CDH18: variants seen among roughly 807,000 people sequenced by gnomAD.
CDH18 encodes the protein cadherin 18.
Under a neutral mutation model 67.9 loss-of-function variants are expected in CDH18, and 31 were observed. The ratio of observed to expected loss-of-function variants is 0.46; its 90% CI spans 0.34 to 0.62. The LOEUF is 0.62. Ranked by LOEUF, CDH18 falls within the 20% of genes least tolerant of loss-of-function variation. The pLI, the probability that CDH18 is intolerant of heterozygous loss-of-function variation, is 0.01. For missense variants in CDH18, 890 were observed against 975.5 expected (o/e 0.91, Z 1.17); for synonymous variants, 362 against 347.2 (o/e 1.04, Z -0.48).
At chr5:19,861,016 T>A (rs1239776632) in intron 2 of CDH18, among the ~76,000 whole-genome samples, 1 of 152,120 alleles carries the variant, frequency 6.6e-6, no homozygotes, top group African/African-American at 2.4e-5. Flanking sequence ...AATGCATGAG[T>A]TGAGATAACT....
At chr5:20,160,359 C>A (rs1045753482) in intron 2 of CDH18, among the ~76,000 whole-genome samples, 13 of 152,104 alleles carry the variant, frequency 8.5e-5, no homozygotes, top group African/African-American at 2.2e-4. Context: ...CCATCATGAG[C>A]AATACATAGA....
intron 3 of CDH18, among the ~76,000 whole-genome samples, chr5:19,836,165 G>A (rs1016692032): frequency 1.3e-5 from 2 of 151,972 alleles, no homozygotes; most frequent in Non-Finnish European, 2.9e-5. Context: ...TAATAAAATA[G>A]TTTTCCTCTT....
chr5:19,837,571 T>C (rs567907609), intron 3 of CDH18, among the ~76,000 whole-genome samples: 56 of 152,284 alleles, frequency 3.7e-4, no homozygotes, highest in African/African-American at 1.3e-3. Flanking sequence ...CTCATTTTAA[T>C]ATGCATATGA....
Position 19,906,169 on chromosome 5 carries a change from G to C in CDH18, c.-256-66927C>G, listed in dbSNP as rs529980949. Among the ~76,000 whole-genome samples, 278 of 151,972 alleles carry C rather than the reference G, an allele frequency of 1.8e-3. 1 individual carries two copies. The highest frequency in any genetic ancestry group is 6.4e-3 in the African/African-American group (266 of 41,524). ...TATCTAGTGAAAGAGGTTAAAAAAA[G>C]AAACTTGACATGAATTCCATGATAG... is the stretch of plus-strand genomic sequence containing the variant. On this transcript the variant is annotated intron_variant, in intron 2 of 12. Coordinates refer to ENST00000382275, the MANE Select transcript of CDH18 (RefSeq NM_004934.5).
At chr5:19,849,020 G>A (rs1157231776) in intron 2 of CDH18, among the ~76,000 whole-genome samples, 1 of 151,598 alleles carries the variant, frequency 6.6e-6, no homozygotes, top group East Asian at 1.9e-4. Context: ...TTTTATGATA[G>A]ATGGATTAAA....
intron 9 of CDH18, among the ~76,000 whole-genome samples, chr5:19,538,633 C>T (rs1580088002): frequency 6.6e-6 from 1 of 152,018 alleles, no homozygotes; most frequent in East Asian, 1.9e-4. Flanking sequence ...CAAACATCAG[C>T]TTCCCTACAG....
intron 1 of CDH18, among the ~76,000 whole-genome samples, chr5:20,257,797 A>G (rs1744360149): frequency 6.6e-6 from 1 of 152,132 alleles, no homozygotes; most frequent in Non-Finnish European, 1.5e-5. Context: ...AAATCACACT[A>G]TCTTGTCTCC....
At chr5:19,767,006 T>C (rs1045528551) in intron 3 of CDH18, among the ~76,000 whole-genome samples, 1 of 151,836 alleles carries the variant, frequency 6.6e-6, no homozygotes, top group East Asian at 1.9e-4. Context: ...ATCTGATTTT[T>C]AATAAATATT....
Position 19,473,016 on chromosome 5 carries a change from T to C in CDH18, c.*210A>G, listed in dbSNP as rs1348788029. On this transcript the variant is annotated 3_prime_UTR_variant, in exon 13 of 13. Coordinates refer to ENST00000382275, the MANE Select transcript of CDH18 (RefSeq NM_004934.5). ...AAATATACACAAGGAACAATAACTT[T>C]TTCTTTGTATTGTCTTTTTTTTTTT... The C allele has an allele frequency of 3.8e-6, 2 of 523,544 alleles. No homozygotes were observed. The highest frequency in any genetic ancestry group is 3.0e-5 in the South Asian group (1 of 32,908). 32.4% of individuals were successfully genotyped at this position (523,544 alleles called of 1,614,324 possible). A position where few individuals can be genotyped will look rare whatever the true frequency, so the allele number is the denominator to read the frequency against.
intron 3 of CDH18, among the ~76,000 whole-genome samples, chr5:19,824,816 T>C (rs1780243612): frequency 6.6e-6 from 1 of 152,128 alleles, no homozygotes. Flanking sequence ...AACTGGTAGC[T>C]GTGTGGGCAA....
chr5:19,639,765 T>G (rs1239539136), intron 5 of CDH18, among the ~76,000 whole-genome samples: 1 of 152,266 alleles, frequency 6.6e-6, no homozygotes, highest in African/African-American at 2.4e-5. Context: ...GCAACAGGCA[T>G]GCTGACATAT....
At chr5:20,557,203 T>G (rs958865547) in intron 1 of CDH18, among the ~76,000 whole-genome samples, 7 of 152,076 alleles carry the variant, frequency 4.6e-5, no homozygotes, top group African/African-American at 1.7e-4. Flanking sequence ...AATAAGACAT[T>G]TTATAAGGAA....
chr5:19,930,777 C>T (rs373440578), intron 2 of CDH18, among the ~76,000 whole-genome samples: 19 of 151,724 alleles, frequency 1.3e-4, no homozygotes, highest in African/African-American at 4.1e-4. Context: ...GCATAAGATC[C>T]GTAATATATT....
intron 8 of CDH18, among the ~76,000 whole-genome samples, chr5:19,544,444 TA>T (rs1271700989): frequency 2.8e-4 from 43 of 152,152 alleles, no homozygotes; most frequent in African/African-American, 9.9e-4. Flanking sequence ...AGCTAAGGTT[TA>T]AAAATAATAT....
chr5:20,184,457 G>A (rs2126695511), intron 2 of CDH18, among the ~76,000 whole-genome samples: 1 of 152,104 alleles, frequency 6.6e-6, no homozygotes, highest in East Asian at 1.9e-4. Flanking sequence ...AGAAAACGAT[G>A]ACTCTTTTCT....
chr5:19,490,551 A>C lies in CDH18; in HGVS notation c.1631-6999T>G, dbSNP rs1456308210. On this transcript the variant is annotated intron_variant, in intron 11 of 12. Transcript: ENST00000382275. The stretch of plus-strand genomic sequence containing the variant: ...TGCCTCAGCCTCCCAAGTAGCTGGG[A>C]CTACAGGCGTGCACCACCACACCCA... Among the ~76,000 whole-genome samples the C allele has an allele frequency of 2.0e-5, 3 of 151,648 alleles. No homozygotes were observed. In the East Asian group the frequency reaches 5.8e-4, roughly 30 times the overall value.
At chr5:19,526,931 T>C (rs976312383) in intron 9 of CDH18, among the ~76,000 whole-genome samples, 6 of 151,954 alleles carry the variant, frequency 3.9e-5, no homozygotes, top group Admixed American at 3.9e-4. Context: ...TTTATAGCTG[T>C]CTAAGTTTCA....
intron 1 of CDH18, among the ~76,000 whole-genome samples, chr5:20,513,222 A>G (rs183711557): frequency 1.1e-3 from 168 of 152,300 alleles, no homozygotes; most frequent in African/African-American, 3.8e-3. Context: ...CTAAATGTGA[A>G]GATTCCCAGG....
intron 9 of CDH18, among the ~76,000 whole-genome samples, chr5:19,543,107 T>G (rs1435470239): frequency 6.6e-6 from 1 of 152,166 alleles, no homozygotes; most frequent in African/African-American, 2.4e-5. Flanking sequence ...TCGTACACTT[T>G]TAAAGTGAGG....
Sources: allele counts gnomAD v4.1 joint callset (sites outside exome capture counted in the v4.1 genomes callset), GRCh38; gene constraint gnomAD v4.1.1; transcripts MANE v1.5; gene names NCBI Gene and HGNC (gene_info 2026-07-23, HGNC 2026-07-21).